Variants in ATRNL1 observed in about 807,000 individuals in gnomAD.
ATRNL1 encodes the protein attractin like 1.
ATRNL1 carries 95 observed loss-of-function variants against 182.7 expected under a neutral mutation model. The observed-to-expected ratio is 0.52, with a 90% CI of 0.44 to 0.62. The LOEUF is 0.62. Ranked by LOEUF, ATRNL1 falls within the 20% of genes least tolerant of loss-of-function variation. The pLI is 0.00. For missense variants in ATRNL1, 1,471 were observed against 1,679.5 expected, an observed-to-expected ratio of 0.88 and a Z score of 2.17; for synonymous variants, 576 against 568.3, an observed-to-expected ratio of 1.01 and a Z score of -0.19.
chr10:115,864,315 C>T (rs1469078721), intron 28 of ATRNL1, among the ~76,000 whole-genome samples: 1 of 151,024 alleles, frequency 6.6e-6, no homozygotes, highest in Non-Finnish European at 1.5e-5. Flanking sequence ...GCAGTGGTTT[C>T]TTATAGTAGA....
In ATRNL1 at chr10:115,242,334, C is replaced by G. The variant is rs375779276; in HGVS notation, c.1687+609C>G. Among the ~76,000 whole-genome samples, 120 of 151,894 alleles carry G rather than the reference C, an allele frequency of 7.9e-4. 2 individuals are homozygous for G. The South Asian group carries it at 0.024, about 31-fold the overall frequency. The stretch of plus-strand genomic sequence containing the variant: ...TATACAATTCACCTAATTTTAGTTA[C>G]GCAATATAATCCTATCAATTTCTGA... On this transcript the variant is annotated intron_variant, in intron 10 of 28. Transcript: ENST00000355044.
intron 10 of ATRNL1, among the ~76,000 whole-genome samples, chr10:115,245,212 T>C (rs1554903760): frequency 6.6e-6 from 1 of 151,974 alleles, no homozygotes; most frequent in African/African-American, 2.4e-5. Context: ...AAAGATCACT[T>C]AACTGGCCGG....
chr10:115,376,881 C>G (rs983176941), intron 19 of ATRNL1, among the ~76,000 whole-genome samples: 20 of 151,978 alleles, frequency 1.3e-4, no homozygotes, highest in African/African-American at 4.1e-4. Flanking sequence ...ACATAGATTC[C>G]TTATGCTTTC....
chr10:115,772,597 C>CTGTGTGTG (rs57939999), intron 27 of ATRNL1, among the ~76,000 whole-genome samples: 4,025 of 140,320 alleles, frequency 0.029, 92 homozygotes, highest in African/African-American at 0.056. Flanking sequence ...TATACTCTGT[C>CTGTGTGTG]TGTGTGTGTG....
At chr10:115,669,140 A>G (rs1945612113) in intron 26 of ATRNL1, among the ~76,000 whole-genome samples, 1 of 152,148 alleles carries the variant, frequency 6.6e-6, no homozygotes, top group Admixed American at 6.6e-5. Flanking sequence ...ACAAGGCTTT[A>G]GCAAATTTAA....
At chr10:115,241,993 C>T (rs974834339) in intron 10 of ATRNL1, among the ~76,000 whole-genome samples, 1 of 151,828 alleles carries the variant, frequency 6.6e-6, no homozygotes, top group African/African-American at 2.4e-5. Context: ...TGTTGTTTCC[C>T]TTTGTGAACA....
chr10:115,648,608 T>C (rs1555033426), intron 26 of ATRNL1, among the ~76,000 whole-genome samples: 2 of 152,102 alleles, frequency 1.3e-5, no homozygotes. Context: ...AAAACAGAGA[T>C]ATAGACCAAC....
chr10:115,669,338 A>G (rs569314110), intron 26 of ATRNL1, among the ~76,000 whole-genome samples: 36 of 152,278 alleles, frequency 2.4e-4, no homozygotes, highest in Admixed American at 3.9e-4. Context: ...TTAATATGAT[A>G]TACACTAGAG....
intron 13 of ATRNL1, among the ~76,000 whole-genome samples, chr10:115,270,983 A>G (rs1305357507): frequency 6.6e-6 from 1 of 152,180 alleles, no homozygotes; most frequent in African/African-American, 2.4e-5. Context: ...CCTGTGTACA[A>G]CTGGAAAACA....
At chr10:115,508,469 G>A (rs573023084) in intron 24 of ATRNL1, among the ~76,000 whole-genome samples, 66 of 152,116 alleles carry the variant, frequency 4.3e-4, no homozygotes, top group African/African-American at 1.5e-3. Context: ...CAATACGGCC[G>A]AAATCTAGGC....
chr10:115,528,158 G>A (rs905994915), intron 25 of ATRNL1, among the ~76,000 whole-genome samples: 1 of 151,392 alleles, frequency 6.6e-6, no homozygotes, highest in East Asian at 1.9e-4. Flanking sequence ...GAATGATTTA[G>A]GAATTGTTCC....
At chr10:115,108,271 T>C (rs1554866691) in intron 1 of ATRNL1, among the ~76,000 whole-genome samples, 1 of 152,190 alleles carries the variant, frequency 6.6e-6, no homozygotes, top group African/African-American at 2.4e-5. Flanking sequence ...CCAGATATCC[T>C]AGTGAAGTGG....
At chr10:115,430,698 T>A (rs1262498958) in intron 21 of ATRNL1, among the ~76,000 whole-genome samples, 1 of 152,148 alleles carries the variant, frequency 6.6e-6, no homozygotes, top group East Asian at 1.9e-4. Context: ...TTTTTAAAAA[T>A]GTTACTGAGA....
chr10:115,648,263 C>T (rs935649984), intron 26 of ATRNL1, among the ~76,000 whole-genome samples: 2 of 152,086 alleles, frequency 1.3e-5, no homozygotes, highest in Non-Finnish European at 2.9e-5. Context: ...TGAAGGACCT[C>T]TTCAAGGAGA....
chr10:115,869,571 C>G (rs1951528302), intron 28 of ATRNL1, among the ~76,000 whole-genome samples: 2 of 152,106 alleles, frequency 1.3e-5, no homozygotes, highest in Admixed American at 6.5e-5. Context: ...CCACTCATCT[C>G]CCACCACCAC....
At chr10:115,258,226 C>G (rs527791247) in intron 10 of ATRNL1, among the ~76,000 whole-genome samples, 62 of 152,254 alleles carry the variant, frequency 4.1e-4, no homozygotes, top group African/African-American at 1.4e-3. Flanking sequence ...TCCATTCTCC[C>G]CATCACTTTC....
intron 26 of ATRNL1, among the ~76,000 whole-genome samples, chr10:115,694,933 G>GCA (rs1474893505): frequency 3.0e-5 from 3 of 98,888 alleles, no homozygotes; most frequent in African/African-American, 9.0e-5. Flanking sequence ...ACACACACAT[G>GCA]CACACACGCA....
intron 27 of ATRNL1, among the ~76,000 whole-genome samples, chr10:115,777,126 T>C (rs1207246363): frequency 6.6e-6 from 1 of 152,180 alleles, no homozygotes. Context: ...TAGCAAAATA[T>C]TAAGAATTGT....
intron 18 of ATRNL1, among the ~76,000 whole-genome samples, chr10:115,326,541 T>A (rs1438203853): frequency 6.6e-6 from 1 of 152,100 alleles, no homozygotes; most frequent in African/African-American, 2.4e-5. Context: ...GCCATCCCCA[T>A]CAAGCTACCA....
Sources: allele counts gnomAD v4.1 joint callset (sites outside exome capture counted in the v4.1 genomes callset), GRCh38; gene constraint gnomAD v4.1.1; transcripts MANE v1.5; gene names NCBI Gene and HGNC (gene_info 2026-07-23, HGNC 2026-07-21).